TNIK: variants seen among roughly 807,000 people sequenced by gnomAD.
TNIK encodes TRAF2 and NCK interacting kinase.
TNIK carries 49 observed loss-of-function variants against 191.3 expected under a neutral mutation model. That is an observed-to-expected ratio of 0.26 (90% CI 0.20 to 0.32). TNIK has a LOEUF of 0.32. Ranked by LOEUF, TNIK falls within the 10% of genes least tolerant of loss-of-function variation. The pLI is 1.00. For missense variants in TNIK, 1,155 were observed against 1,702.3 expected, an observed-to-expected ratio of 0.68 and a Z score of 5.66; for synonymous variants, 594 against 600.9, an observed-to-expected ratio of 0.99 and a Z score of 0.17.
chr3:171,371,190 CT>C (rs1339377774), intron 1 of TNIK, among the ~76,000 whole-genome samples: 3 of 152,056 alleles, frequency 2.0e-5, no homozygotes, highest in African/African-American at 7.2e-5. Flanking sequence ...CACTTTTAAG[CT>C]GAGAAATTCC....
intron 14 of TNIK, 116 bp downstream of exon 14, chr3:171,139,354 T>C: frequency 2.2e-6 from 2 of 910,296 alleles, no homozygotes; most frequent in East Asian, 2.5e-5. Context: ...TGGACTGGTA[T>C]GTTAGAAGGA....
intron 4 of TNIK, among the ~76,000 whole-genome samples, chr3:171,195,921 G>A (rs992219222): frequency 2.0e-5 from 3 of 152,138 alleles, no homozygotes; most frequent in African/African-American, 7.2e-5. Context: ...ATGTCAAAAA[G>A]GATTCAATTT....
intron 7 of TNIK, among the ~76,000 whole-genome samples, chr3:171,179,392 T>G (rs758238668): frequency 3.0e-4 from 46 of 152,184 alleles, no homozygotes; most frequent in Non-Finnish European, 2.6e-4. Flanking sequence ...CTATTACAAG[T>G]TGGCTCAGGA....
chr3:171,356,192 A>T (rs571131638), intron 2 of TNIK, among the ~76,000 whole-genome samples: 1 of 152,236 alleles, frequency 6.6e-6, no homozygotes, highest in South Asian at 2.1e-4. Flanking sequence ...GGGGAAAAAA[A>T]AATCATAATG....
chr3:171,268,719 A>T (rs539796853), intron 2 of TNIK, among the ~76,000 whole-genome samples: 1 of 152,204 alleles, frequency 6.6e-6, no homozygotes, highest in East Asian at 1.9e-4. Flanking sequence ...AAAGGTAATC[A>T]AAGAAAGAAG....
At position 171,446,623 on chromosome 3, in the gene TNIK, GTTCTATC is replaced by G. The variant is rs144164934; in HGVS notation, c.57+13377_57+13383del. ...GAGCTTTTTACTCTGGTGGTTTCCT[GTTCTATC>G]TTCTATTTTCTCCATTAGAATCTTA... is the stretch of plus-strand genomic sequence containing the variant. On this transcript the variant is annotated intron_variant, in intron 1 of 32. Coordinates refer to ENST00000436636, the MANE Select transcript of TNIK (RefSeq NM_015028.4). Among the ~76,000 whole-genome samples the G allele has an allele frequency of 4.3e-3, 650 of 152,272 alleles. 6 individuals carry two copies. The highest frequency in any genetic ancestry group is 0.015 in the African/African-American group (618 of 41,548).
chr3:171,077,654 C>T (rs1009459274), intron 28 of TNIK, among the ~76,000 whole-genome samples: 1 of 152,092 alleles, frequency 6.6e-6, no homozygotes, highest in Admixed American at 6.5e-5. Flanking sequence ...CTCAGGCCTT[C>T]AGATTTGAAC....
At chr3:171,082,514 T>C (rs1383894474) in intron 26 of TNIK, 120 bp from the exon 27 acceptor site, 3 of 1,137,404 alleles carry the variant, frequency 2.6e-6, no homozygotes, top group Non-Finnish European at 2.5e-6. Context: ...GGCAAGTAGG[T>C]AAATATAAAC....
At position 171,125,924 on chromosome 3, in the gene TNIK, GTCT is replaced by G. The variant is rs1728405674; in HGVS notation, c.1998_2000del (p.Glu666del). On this transcript the variant is annotated inframe_deletion, in exon 17 of 33. Transcript: ENST00000436636. ...CAGTAAATATTACCTTTGGTGGAAT[GTCT>G]TCTTCCTGTCGTAACCAAGAGCTTC... The G allele has an allele frequency of 6.2e-7, 1 of 1,613,878 alleles. No individual in the cohort carries two copies. Among genetic ancestry groups the G allele is most frequent in the Non-Finnish European group, 8.5e-7 (1 of 1,179,904 alleles).
In TNIK at chr3:171,460,108, T is replaced by C. The variant is rs555966179; in HGVS notation, c.-45A>G. On this transcript the variant is annotated 5_prime_UTR_variant, in exon 1 of 33. Coordinates refer to ENST00000436636, the MANE Select transcript of TNIK (RefSeq NM_015028.4). The surrounding 1 kb of genome is among the most constrained non-coding windows in gnomAD (Gnocchi z 6.8). ...AAATGGACCAAAACCACCCCGAAGC[T>C]TTTCCCTTGGAAATTCCACCTTGGT... is the stretch of plus-strand genomic sequence containing the variant. 9 of 1,574,984 alleles carry C rather than the reference T, an allele frequency of 5.7e-6. No homozygotes were observed. Among genetic ancestry groups the C allele is most frequent in the Admixed American group, 1.8e-5 (1 of 54,426 alleles).
At chr3:171,106,863 G>A (rs1170082589) in intron 21 of TNIK, 10 of 514,906 alleles carry the variant, frequency 1.9e-5, no homozygotes, top group Non-Finnish European at 3.5e-5. Context: ...CCCTAGCAAG[G>A]CTGGCAAGTA....
At chr3:171,104,858 G>A (rs2108474176) in intron 21 of TNIK, among the ~76,000 whole-genome samples, 1 of 152,202 alleles carries the variant, frequency 6.6e-6, no homozygotes, top group South Asian at 2.1e-4. Flanking sequence ...CTAAATTGAT[G>A]TGCTTTGAAA....
chr3:171,215,249 A>T (rs1340850109), intron 3 of TNIK, among the ~76,000 whole-genome samples: 3 of 152,184 alleles, frequency 2.0e-5, no homozygotes, highest in Admixed American at 2.0e-4. Flanking sequence ...AGATAATTCC[A>T]GTTAATGCTT....
At chr3:171,256,276 TGA>T (rs1746857612) in intron 2 of TNIK, among the ~76,000 whole-genome samples, 1 of 152,122 alleles carries the variant, frequency 6.6e-6, no homozygotes, top group African/African-American at 2.4e-5. Context: ...GTTCAACAAA[TGA>T]GTCTACAATT....
chr3:171,064,584 G>T (rs1314597762), intron 32 of TNIK, among the ~76,000 whole-genome samples: 1 of 152,140 alleles, frequency 6.6e-6, no homozygotes, highest in Non-Finnish European at 1.5e-5. Context: ...CATATCCCAG[G>T]GCAAATGAGA....
At chr3:171,069,355 C>T (rs191552522) in intron 29 of TNIK, among the ~76,000 whole-genome samples, 299 of 152,284 alleles carry the variant, frequency 2.0e-3, no homozygotes, top group African/African-American at 6.7e-3. Context: ...CTCTGGCCCC[C>T]CTCTTTCCCA....
chr3:171,129,677 T>G (rs1050370643), intron 15 of TNIK, among the ~76,000 whole-genome samples: 2 of 152,202 alleles, frequency 1.3e-5, no homozygotes, highest in East Asian at 1.9e-4. Flanking sequence ...ATTCCCTTTC[T>G]TCCAGGGTCT....
chr3:171,258,454 C>A (rs1449253268), intron 2 of TNIK, among the ~76,000 whole-genome samples: 1 of 152,130 alleles, frequency 6.6e-6, no homozygotes, highest in Non-Finnish European at 1.5e-5. Context: ...CTTCTTCTAG[C>A]TGTTTTCTAA....
chr3:171,155,579 G>T (rs1005193234), intron 12 of TNIK, among the ~76,000 whole-genome samples: 1 of 152,242 alleles, frequency 6.6e-6, no homozygotes, highest in Admixed American at 6.5e-5. Flanking sequence ...GTCTCTGGCT[G>T]CACATGCCTC....
Sources: allele counts gnomAD v4.1 joint callset (sites outside exome capture counted in the v4.1 genomes callset), GRCh38; gene constraint gnomAD v4.1.1; non-coding constraint Gnocchi (gnomAD v3.1); transcripts MANE v1.5; gene names NCBI Gene and HGNC (gene_info 2026-07-23, HGNC 2026-07-21).